PLD5: variants seen among roughly 807,000 people sequenced by gnomAD.
The protein encoded by PLD5 is inactive phospholipase D5.
PLD5 carries 36 observed loss-of-function variants against 61.1 expected under a neutral mutation model. The observed-to-expected ratio is 0.59, with a 90% CI of 0.45 to 0.78. The LOEUF (loss-of-function observed/expected upper bound fraction) is 0.78, where lower values mean the gene tolerates loss of function less well. Ranked by LOEUF, PLD5 falls within the 30% of genes least tolerant of loss-of-function variation. The pLI is 0.00. For synonymous variants in PLD5, 243 were observed against 242.8 expected (o/e 1.00, Z -0.01); for missense variants, 515 against 644.4 (o/e 0.80, Z 2.17).
intron 1 of PLD5, among the ~76,000 whole-genome samples, chr1:242,370,341 G>A (rs578197831): frequency 2.2e-4 from 34 of 152,258 alleles, no homozygotes; most frequent in South Asian, 6.2e-4. Context: ...GATGCACTGC[G>A]CTTATAATAC....
At chr1:242,165,532 A>G (rs1486169453) in intron 5 of PLD5, among the ~76,000 whole-genome samples, 1 of 152,142 alleles carries the variant, frequency 6.6e-6, no homozygotes, top group Non-Finnish European at 1.5e-5. Context: ...AAACCTTCAC[A>G]ATGGTAAACA....
chr1:242,350,361 G>A (rs1660403116), intron 1 of PLD5, among the ~76,000 whole-genome samples: 2 of 151,960 alleles, frequency 1.3e-5, no homozygotes, highest in Admixed American at 1.3e-4. Context: ...ATTTACAGAG[G>A]TGAAAGGGTC....
chr1:242,350,434 TACACACACACACACAC>T (rs57955584), intron 1 of PLD5, among the ~76,000 whole-genome samples: 9,695 of 145,366 alleles, frequency 0.067, 335 homozygotes, highest in Middle Eastern at 0.094. Flanking sequence ...TATACACACG[TACACACACACACACAC>T]ACACACACAC....
At chr1:242,441,081 T>A (rs1472585327) in intron 1 of PLD5, among the ~76,000 whole-genome samples, 2 of 152,322 alleles carry the variant, frequency 1.3e-5, no homozygotes, top group East Asian at 3.9e-4. Context: ...TATAATAAAT[T>A]AAGTTGAAAA....
chr1:242,423,066 G>T (rs971431770), intron 1 of PLD5, among the ~76,000 whole-genome samples: 17 of 151,960 alleles, frequency 1.1e-4, no homozygotes, highest in African/African-American at 3.6e-4. Context: ...GCCCAGGCTG[G>T]TCTTAAACTC....
intron 4 of PLD5, among the ~76,000 whole-genome samples, chr1:242,229,992 G>T (rs924151663): frequency 6.6e-6 from 1 of 151,968 alleles, no homozygotes; most frequent in Non-Finnish European, 1.5e-5. Flanking sequence ...GGGATGTGCA[G>T]CAATGCCTGG....
At chr1:242,345,637 A>G in intron 2 of PLD5, 4 of 988,966 alleles carry the variant, frequency 4.0e-6, no homozygotes, top group Non-Finnish European at 3.3e-6. Context: ...TTTCAGAAGG[A>G]TTCTGTCAAC....
At chr1:242,168,845 A>ATTTTTTTTT (rs1574439363) in intron 5 of PLD5, among the ~76,000 whole-genome samples, 2 of 29,246 alleles carry the variant, frequency 6.8e-5, no homozygotes, top group Admixed American at 6.3e-4. Context: ...TAATTAATGA[A>ATTTTTTTTT]GTTTTTTTTT....
intron 1 of PLD5, among the ~76,000 whole-genome samples, chr1:242,458,658 G>A (rs974825266): frequency 7.9e-5 from 12 of 152,190 alleles, no homozygotes; most frequent in African/African-American, 2.9e-4. Context: ...CCACTTAAAA[G>A]TTGTGTTAAA....
intron 3 of PLD5, among the ~76,000 whole-genome samples, chr1:242,273,974 C>T (rs1041581212): frequency 7.9e-5 from 12 of 152,060 alleles, no homozygotes; most frequent in South Asian, 4.1e-4. Context: ...GGTTTTGATC[C>T]GGGGAAACTG....
At chr1:242,232,664 G>A (rs1307593651) in intron 4 of PLD5, among the ~76,000 whole-genome samples, 1 of 151,356 alleles carries the variant, frequency 6.6e-6, no homozygotes, top group East Asian at 2.0e-4. Flanking sequence ...CCAACATGAT[G>A]AAACCCCATC....
At chr1:242,234,010 A>T (rs2149043381) in intron 4 of PLD5, among the ~76,000 whole-genome samples, 1 of 152,332 alleles carries the variant, frequency 6.6e-6, no homozygotes, top group Non-Finnish European at 1.5e-5. Flanking sequence ...CCAAATTAAT[A>T]ACAAAAGGAA....
At chr1:242,219,351 G>A (rs191935861) in intron 5 of PLD5, among the ~76,000 whole-genome samples, 4 of 152,204 alleles carry the variant, frequency 2.6e-5, no homozygotes, top group Admixed American at 2.0e-4. Context: ...AAGAGGAGGG[G>A]AGTATGCTGG....
chr1:242,336,513 GA>G (rs554563998), intron 2 of PLD5, among the ~76,000 whole-genome samples: 117 of 151,956 alleles, frequency 7.7e-4, no homozygotes, highest in African/African-American at 2.4e-3. Flanking sequence ...TAAAGGCGTG[GA>G]AAAAAATCGT....
At chr1:242,325,988 A>G (rs1658751625) in intron 2 of PLD5, among the ~76,000 whole-genome samples, 1 of 146,354 alleles carries the variant, frequency 6.8e-6, no homozygotes, top group Non-Finnish European at 1.5e-5. Flanking sequence ...GCTGGGCGTA[A>G]GTGATCTACA....
chr1:242,294,954 A>T (rs1310865653), intron 2 of PLD5, among the ~76,000 whole-genome samples: 2 of 152,238 alleles, frequency 1.3e-5, no homozygotes, highest in Admixed American at 6.5e-5. Flanking sequence ...GCACTGGATC[A>T]GTTATCAGGA....
At chr1:242,209,792 G>A (rs1211546218) in intron 5 of PLD5, among the ~76,000 whole-genome samples, 1 of 152,026 alleles carries the variant, frequency 6.6e-6, no homozygotes, top group Admixed American at 6.6e-5. Flanking sequence ...CAGTTTTGTG[G>A]GTTGTTTGTT....
Position 242,443,761 on chromosome 1 carries a change from C to G in PLD5, c.189+80327G>C, listed in dbSNP as rs145620692. 9.1e-4 allele frequency among the ~76,000 whole-genome samples: 138 copies of G among 152,250 alleles called. 1 individual carries two copies. Among genetic ancestry groups the G allele is most frequent in the Non-Finnish European group, 1.5e-3 (100 of 68,002 alleles). On this transcript the variant is annotated intron_variant, in intron 1 of 9. Coordinates refer to ENST00000536534, the MANE Select transcript of PLD5 (RefSeq NM_001372062.1). Reference sequence around the variant, plus strand: ...TGCAGTCAAGGCTATCAACATGAACCACACCACTTCTTTTGTAATCCTATG... The same window carrying G: ...TGCAGTCAAGGCTATCAACATGAACGACACCACTTCTTTTGTAATCCTATG...
intron 5 of PLD5, among the ~76,000 whole-genome samples, chr1:242,190,138 CTTTTTTT>C (rs902616187): frequency 8.1e-5 from 6 of 74,382 alleles, no homozygotes; most frequent in African/African-American, 1.7e-4. Flanking sequence ...GACAGGACTC[CTTTTTTT>C]TTTTTTTTTT....
Sources: allele counts gnomAD v4.1 joint callset (sites outside exome capture counted in the v4.1 genomes callset), GRCh38; gene constraint gnomAD v4.1.1; transcripts MANE v1.5; gene names NCBI Gene and HGNC (gene_info 2026-07-23, HGNC 2026-07-21).